The following TTF1 variants were observed in gnomAD, a reference collection of about 807,000 sequenced individuals.
TTF1 encodes transcription termination factor 1, also known as transcription termination factor, RNA polymerase I.
In TTF1, 64 loss-of-function variants were observed where a neutral mutation model predicts 80.2. That is an observed-to-expected ratio of 0.80 (90% CI 0.65 to 0.98). TTF1 has a LOEUF of 0.98. Ranked by LOEUF, TTF1 falls within the 50% of genes least tolerant of loss-of-function variation. The pLI is 0.00. For synonymous variants in TTF1, 372 were observed against 382.7 expected, an observed-to-expected ratio of 0.97 and a Z score of 0.33; for missense variants, 1,023 against 1,086.2, an observed-to-expected ratio of 0.94 and a Z score of 0.82.
At chr9:132,397,991 A>G in intron 4 of TTF1, 150 bp downstream of exon 4, 1 of 612,442 alleles carries the variant, frequency 1.6e-6, no homozygotes. Flanking sequence ...GTCTCAAAAA[A>G]AAAAAAAAGA....
At chr9:132,383,065 CA>C (rs61237895) in intron 9 of TTF1, among the ~76,000 whole-genome samples, 3,172 of 148,102 alleles carry the variant, frequency 0.021, 122 homozygotes, top group African/African-American at 0.075. Context: ...AAATCCGTCT[CA>C]AAAAAAAAAA....
rs1183933831 is a variant in TTF1 at position 132,402,374 on chromosome 9, T to C, written c.448A>G (p.Lys150Glu). 1.2e-6 allele frequency: 2 copies of C among 1,614,216 alleles called. No homozygotes were observed. Among genetic ancestry groups the C allele is most frequent in the Admixed American group, 1.7e-5 (1 of 60,030 alleles). Residue 150 changes from lysine (K) to glutamate (E), a missense_variant, in exon 2 of 11, where the codon AAG becomes GAG. Lys to Glu is a moderately conservative substitution (Grantham distance 56, BLOSUM62 1). Coordinates refer to ENST00000334270, the MANE Select transcript of TTF1 (RefSeq NM_007344.4). ...PKTDKFQVLA[K>E]SHAHKSEALH... ...GCTTCTGATTTATGTGCATGTGACTTAGCAAGTACCTGAAATTTGTCTGTT... is the reference window on the plus strand; with the variant it reads ...GCTTCTGATTTATGTGCATGTGACTCAGCAAGTACCTGAAATTTGTCTGTT...
chr9:132,377,136 GGTGT>G lies in TTF1; in HGVS notation c.2465-972_2465-969del, dbSNP rs545834042. Among the ~76,000 whole-genome samples, 1,433 of 151,872 alleles carry G rather than the reference GGTGT, an allele frequency of 9.4e-3. 9 individuals are homozygous for G. The highest frequency in any genetic ancestry group is 0.014 in the South Asian group (66 of 4,804). ...TCTGTGTATGTGTGTACATGCATGT[GGTGT>G]GTGTGAGTGCATGCATGTGGTGAGT... is the stretch of plus-strand genomic sequence containing the variant. On this transcript the variant is annotated intron_variant, in intron 10 of 10. Coordinates refer to ENST00000334270, the MANE Select transcript of TTF1 (RefSeq NM_007344.4).
Position 132,402,167 on chromosome 9 carries a change from A to G in TTF1, c.655T>C (p.Ser219Pro). ...ELPASAHKNK[S>P]KKKKKKSSNR... is the part of the protein sequence containing the mutation. Reference sequence around the variant, plus strand: ...CTGGACTTTTTCTTTTTTTTCTTAGACTTGTTTTTATGAGCAGATGCTGGT... The same window carrying G: ...CTGGACTTTTTCTTTTTTTTCTTAGGCTTGTTTTTATGAGCAGATGCTGGT... Residue 219 changes from serine to proline, a missense_variant, in exon 2 of 11, where the codon TCT (serine) becomes CCT (proline). By Grantham distance (74) the Ser-to-Pro change is moderately conservative. Transcript: ENST00000334270. 6.2e-7 allele frequency: 1 copy of G among 1,613,192 alleles called. No homozygotes were observed. Among genetic ancestry groups the G allele is most frequent in the Non-Finnish European group, 8.5e-7 (1 of 1,179,844 alleles).
At chr9:132,401,317 T>G in intron 2 of TTF1, 138 bp downstream of exon 2, 8 of 809,164 alleles carry the variant, frequency 9.9e-6, no homozygotes, top group Non-Finnish European at 8.0e-6. Flanking sequence ...TAAGAGCAAA[T>G]CTCCACCTCA....
chr9:132,384,973 G>A lies in TTF1; in HGVS notation c.2378+1583C>T, dbSNP rs571093289. Among the ~76,000 whole-genome samples, 54 of 152,080 alleles carry A rather than the reference G, an allele frequency of 3.6e-4. No individual in the cohort carries two copies. The highest frequency in any genetic ancestry group is 6.8e-4 in the Non-Finnish European group (46 of 68,014). ...GCCCAGCCTACGTTTCTTTAATTCT[G>A]GACTACGTAATCTATTACCTATTCC... is the stretch of plus-strand genomic sequence containing the variant. On this transcript the variant is annotated intron_variant, in intron 9 of 10. Transcript: ENST00000334270. The surrounding 1 kb of genome is among the most constrained non-coding windows in gnomAD (Gnocchi z 4.1).
intron 3 of TTF1, among the ~76,000 whole-genome samples, chr9:132,398,719 C>T (rs961041152): frequency 5.9e-5 from 9 of 152,090 alleles, no homozygotes; most frequent in Non-Finnish European, 1.0e-4. Context: ...CTCAGCCTCC[C>T]GAGTAGCTGG....
chr9:132,379,318 G>A, intron 9 of TTF1, 174 bp from the exon 10 acceptor site: 1 of 463,682 alleles, frequency 2.2e-6, no homozygotes, highest in Non-Finnish European at 3.7e-6. Flanking sequence ...AATATGGAAA[G>A]CTATTGTTTA....
rs574818931 is a variant in TTF1 at position 132,395,069 on chromosome 9, G to A, written c.1856+1364C>T. On this transcript the variant is annotated intron_variant, in intron 5 of 10. Transcript: ENST00000334270. The stretch of plus-strand genomic sequence containing the variant: ...TAGCCGGGCGTGGTGGTGGGTGCCT[G>A]TAGTCCCAGCTACCCGGGAGGCTGA... Among the ~76,000 whole-genome samples the A allele has an allele frequency of 5.3e-5, 8 of 152,080 alleles. No individual in the cohort carries two copies. The East Asian group carries it at 1.5e-3, about 29-fold the overall frequency.
At chr9:132,406,110 G>A (rs977597554) in intron 1 of TTF1, among the ~76,000 whole-genome samples, 2 of 152,118 alleles carry the variant, frequency 1.3e-5, no homozygotes, top group African/African-American at 4.8e-5. Flanking sequence ...GATACATATT[G>A]AGAACGGATA....
At position 132,401,793 on chromosome 9, in the gene TTF1, T is replaced by G. The variant is rs1849768377; in HGVS notation, c.1029A>C (p.Glu343Asp). The change falls in exon 2 of 11, where the codon GAA (glutamate) becomes GAC (aspartate). Residue 343 changes from glutamate to aspartate, a missense_variant. By Grantham distance (45) the Glu-to-Asp change is conservative. Coordinates refer to ENST00000334270, the MANE Select transcript of TTF1 (RefSeq NM_007344.4). ...TCTCAGGCATGGCCACTGCCTCAAA[T>G]TCCTGGTGATTGGACTTTTTCTTTT... ...KKKKKKSNHQ[E>D]FEAVAMPESL... The G allele has an allele frequency of 6.8e-6, 11 of 1,614,126 alleles. No homozygotes were observed. Among genetic ancestry groups the G allele is most frequent in the Non-Finnish European group, 9.3e-6 (11 of 1,180,026 alleles).
At chr9:132,404,631 T>C (rs913286108) in intron 1 of TTF1, among the ~76,000 whole-genome samples, 4 of 152,110 alleles carry the variant, frequency 2.6e-5, no homozygotes, top group African/African-American at 9.7e-5. Flanking sequence ...CGTTTAACCC[T>C]AAAGTCTCAT....
chr9:132,399,350 A>G, intron 3 of TTF1, among the ~76,000 whole-genome samples: 1 of 151,486 alleles, frequency 6.6e-6, no homozygotes, highest in East Asian at 1.9e-4. Flanking sequence ...TGTCTTGTCT[A>G]TTTTTCTGAA....
chr9:132,381,020 T>C (rs1849363215), intron 9 of TTF1, among the ~76,000 whole-genome samples: 1 of 152,114 alleles, frequency 6.6e-6, no homozygotes, highest in African/African-American at 2.4e-5. Flanking sequence ...CAAGCGATCC[T>C]CCCACTTCAG....
rs1245272086 is a variant in TTF1 at position 132,384,434 on chromosome 9, A to T, written c.2378+2122T>A. Among the ~76,000 whole-genome samples the T allele has an allele frequency of 6.6e-6, 1 of 152,210 alleles. No individual in the cohort carries two copies. Among genetic ancestry groups the T allele is most frequent in the Admixed American group, 6.5e-5 (1 of 15,284 alleles). ...CACAAGATAGGGTCAACGCAATCAA[A>T]GCTGGTGCTTTGAAAAGACAATCTC... On this transcript the variant is annotated intron_variant, in intron 9 of 10. Transcript: ENST00000334270. This position sits in a 1 kb window ranked among gnomAD's most constrained non-coding sequence, Gnocchi z 4.1.
In TTF1 at chr9:132,375,942, C is replaced by T; in HGVS notation, c.2691G>A (p.Leu897=). Residue 897 remains leucine (L), a synonymous_variant, in exon 11 of 11, where the codon TTG becomes TTA. Transcript: ENST00000334270. ...CMAHACNSST[L]GGQGRWII is the part of the protein sequence containing the mutation. Reference sequence around the variant, plus strand: ...AGATGATCCACCGGCCTTGGCCTCCCAAAGTACTGGAATTACAGGCGTGAG... The same window carrying T: ...AGATGATCCACCGGCCTTGGCCTCCTAAAGTACTGGAATTACAGGCGTGAG... The T allele has an allele frequency of 6.2e-7, 1 of 1,605,144 alleles. No individual in the cohort carries two copies. The highest frequency in any genetic ancestry group is 8.5e-7 in the Non-Finnish European group (1 of 1,176,030).
At chr9:132,404,115 T>C (rs1208719569) in intron 1 of TTF1, among the ~76,000 whole-genome samples, 4 of 152,246 alleles carry the variant, frequency 2.6e-5, no homozygotes, top group Admixed American at 6.5e-5. Context: ...ATGACACATT[T>C]ACGTCGTACA....
chr9:132,398,581 AAT>A (rs2131645637), intron 3 of TTF1, among the ~76,000 whole-genome samples: 1 of 152,244 alleles, frequency 6.6e-6, no homozygotes, highest in African/African-American at 2.4e-5. Context: ...CTTTTTAAAA[AAT>A]AGTTTTCAAA....
At position 132,375,990 on chromosome 9, in the gene TTF1, G is replaced by T. The variant is rs147089074; in HGVS notation, c.2643C>A (p.Ser881Arg). The T allele has an allele frequency of 6.2e-6, 10 of 1,613,736 alleles. No individual in the cohort carries two copies. The highest frequency in any genetic ancestry group is 8.5e-6 in the Non-Finnish European group (10 of 1,179,970). The change falls in exon 11 of 11, where the codon AGC becomes AGA. Residue 881 changes from serine (S) to arginine (R), a missense_variant. Coordinates refer to ENST00000334270, the MANE Select transcript of TTF1 (RefSeq NM_007344.4). ...DSEGEDIEKE[S>R]EGQAPCMAHA... ...GAGCCATGCATGGCGCCTGGCCTTC[G>T]CTTTCTTTTTCTATGTCCTCTCCTT...
Sources: allele counts gnomAD v4.1 joint callset (sites outside exome capture counted in the v4.1 genomes callset), GRCh38; gene constraint gnomAD v4.1.1; non-coding constraint Gnocchi (gnomAD v3.1); transcripts MANE v1.5; gene names NCBI Gene and HGNC (gene_info 2026-07-23, HGNC 2026-07-21).